PRKN: variants seen among roughly 807,000 people sequenced by gnomAD.
PRKN encodes the protein parkin RBR E3 ubiquitin protein ligase, also known as E3 ubiquitin-protein ligase parkin.
PRKN carries 56 observed loss-of-function variants against 59.5 expected under a neutral mutation model. That is an observed-to-expected ratio of 0.94 (90% confidence interval 0.76 to 1.18). PRKN has a LOEUF of 1.18. Among genes scored for constraint, PRKN ranks in the 50% most tolerant of loss-of-function variants. The probability of loss-of-function intolerance (pLI) is 0.00; values close to 1 mark genes in which losing one functional copy is unlikely to be tolerated. For missense variants in PRKN, 657 were observed against 596.4 expected (o/e 1.10, Z -1.06); for synonymous variants, 250 against 222.1 (o/e 1.13, Z -1.12).
At chr6:162,017,229 T>G (rs1257102005) in intron 5 of PRKN, among the ~76,000 whole-genome samples, 1 of 152,202 alleles carries the variant, frequency 6.6e-6, no homozygotes, top group Non-Finnish European at 1.5e-5. Context: ...GAGTCTGTAC[T>G]TGGGAATCCA....
chr6:162,343,642 T>C (rs985706269), intron 2 of PRKN, among the ~76,000 whole-genome samples: 1 of 152,202 alleles, frequency 6.6e-6, no homozygotes, highest in Admixed American at 6.5e-5. Context: ...AATATGCATT[T>C]AGTAAGTATA....
At chr6:161,856,303 C>T (rs572535656) in intron 6 of PRKN, among the ~76,000 whole-genome samples, 6 of 151,636 alleles carry the variant, frequency 4.0e-5, no homozygotes, top group African/African-American at 9.7e-5. Context: ...GAGGTTGCAG[C>T]GAGCCGAGAT....
rs572721938 is a variant in PRKN at position 162,441,189 on chromosome 6, C to A, written c.171+2121G>T. ...TGTTGGAACAATGCAGCATCCTTCC[C>A]CCAACCAAACCGGGTCTTCAGACTT... On this transcript the variant is annotated intron_variant, in intron 2 of 11. Transcript: ENST00000366898. Among the ~76,000 whole-genome samples the A allele has an allele frequency of 3.9e-5, 6 of 152,216 alleles. No individual in the cohort carries two copies. The South Asian group carries it at 1.2e-3, about 32-fold the overall frequency.
chr6:162,326,921 A>AT (rs1354880800), intron 2 of PRKN, among the ~76,000 whole-genome samples: 1 of 152,148 alleles, frequency 6.6e-6, no homozygotes, highest in Non-Finnish European at 1.5e-5. Flanking sequence ...CAATTCCTAC[A>AT]TTTTTTTAAA....
rs545871938 is a variant in PRKN, at chr6:161,592,323, G to A, written c.872-22907C>T. ...ACGAATTTCTACCTTAAAGACTGAG[G>A]AGCAAAATATAAGGAGACAATGCAT... is the stretch of plus-strand genomic sequence containing the variant. On this transcript the variant is annotated intron_variant, in intron 7 of 11. Transcript: ENST00000366898. The surrounding 1 kb of genome is among the most constrained non-coding windows in gnomAD (Gnocchi z 4.8). Among the ~76,000 whole-genome samples the A allele has an allele frequency of 3.7e-4, 57 of 152,176 alleles. No homozygotes were observed. The highest frequency in any genetic ancestry group is 1.2e-3 in the African/African-American group (50 of 41,516).
At chr6:161,524,985 T>C (rs1018571960) in intron 9 of PRKN, among the ~76,000 whole-genome samples, 3 of 152,206 alleles carry the variant, frequency 2.0e-5, no homozygotes, top group Non-Finnish European at 2.9e-5. Context: ...GGTTTTAAAA[T>C]TTCTTACATC....
chr6:161,531,375 C>T (rs1489150276), intron 9 of PRKN, among the ~76,000 whole-genome samples: 6 of 140,742 alleles, frequency 4.3e-5, no homozygotes, highest in African/African-American at 5.4e-5. Context: ...AGCGAGACTC[C>T]GTCTCAAAAA....
At chr6:162,360,719 G>T (rs1422167887) in intron 2 of PRKN, among the ~76,000 whole-genome samples, 1 of 152,186 alleles carries the variant, frequency 6.6e-6, no homozygotes, top group East Asian at 1.9e-4. Context: ...TAAGATCCTT[G>T]TGAGGCTCTC....
At chr6:162,112,190 T>C (rs1054778617) in intron 4 of PRKN, among the ~76,000 whole-genome samples, 3 of 152,220 alleles carry the variant, frequency 2.0e-5, no homozygotes, top group Non-Finnish European at 4.4e-5. Context: ...CAAACAACAC[T>C]TGACATTAAA....
At chr6:162,141,989 G>A (rs772635821) in intron 4 of PRKN, among the ~76,000 whole-genome samples, 13 of 152,064 alleles carry the variant, frequency 8.5e-5, no homozygotes, top group Non-Finnish European at 1.3e-4. Context: ...AAGCTGTCCC[G>A]TTTACTATTT....
chr6:162,031,018 CTAAGA>C, intron 5 of PRKN, among the ~76,000 whole-genome samples: 1 of 152,176 alleles, frequency 6.6e-6, no homozygotes, highest in African/African-American at 2.4e-5. Context: ...ATTTCCTCCT[CTAAGA>C]TAAGACTGAG....
In PRKN at chr6:162,692,579, A is replaced by G. The variant is rs1240708549; in HGVS notation, c.7+35083T>C. 2.5e-5 allele frequency among the ~76,000 whole-genome samples: 3 copies of G among 119,428 alleles called. No individual in the cohort carries two copies. In the South Asian group the frequency reaches 7.5e-4, roughly 30 times the overall value. The allele number at this position is 119,428 out of a possible 152,430, so 78.3% of individuals were successfully genotyped here. ...CACACCTACAAGACAGACCCCCCCC[A>G]ACAAAATCCTTGACCACCAAGGCTC... On this transcript the variant is annotated intron_variant, in intron 1 of 11. Coordinates refer to ENST00000366898, the MANE Select transcript of PRKN (RefSeq NM_004562.3).
intron 6 of PRKN, among the ~76,000 whole-genome samples, chr6:161,896,364 G>A (rs967546986): frequency 7.2e-5 from 11 of 152,116 alleles, no homozygotes; most frequent in Admixed American, 7.2e-4. Context: ...CTCTCTCTGG[G>A]TGCCCTGAGC....
At position 162,054,099 on chromosome 6, in the gene PRKN, T is replaced by A. The variant is rs778993899; in HGVS notation, c.610A>T (p.Thr204Ser). ...GECQSPHCPGTSAEFFFKCGA... is the reference protein window; with the variant it reads ...GECQSPHCPGSSAEFFFKCGA... ...TGTGACCAGGTACTTACTGCACTAGTCCCAGGGCAGTGTGGGGATTGGCAT... is the reference window on the plus strand; with the variant it reads ...TGTGACCAGGTACTTACTGCACTAGACCCAGGGCAGTGTGGGGATTGGCAT... The change falls in exon 5 of 12, where the codon ACT becomes TCT. Residue 204 changes from threonine to serine, a missense_variant. Transcript: ENST00000366898. 5 of 1,600,738 alleles carry A rather than the reference T, an allele frequency of 3.1e-6. No homozygotes were observed. The Admixed American group carries it at 6.7e-5, about 21-fold the overall frequency.
At chr6:162,380,211 G>C (rs1786354471) in intron 2 of PRKN, among the ~76,000 whole-genome samples, 1 of 151,732 alleles carries the variant, frequency 6.6e-6, no homozygotes, top group African/African-American at 2.4e-5. Flanking sequence ...TGGCTTATTA[G>C]GGCAAGTAAA....
chr6:162,328,052 G>T (rs1783379934), intron 2 of PRKN, among the ~76,000 whole-genome samples: 1 of 152,126 alleles, frequency 6.6e-6, no homozygotes, highest in East Asian at 1.9e-4. Flanking sequence ...CGTGAAAAAA[G>T]AAATTGTTCC....
chr6:162,518,899 T>C (rs1777974922), intron 1 of PRKN, among the ~76,000 whole-genome samples: 1 of 152,198 alleles, frequency 6.6e-6, no homozygotes, highest in African/African-American at 2.4e-5. Context: ...CCATTGTTAC[T>C]TACGTTATTT....
intron 4 of PRKN, among the ~76,000 whole-genome samples, chr6:162,148,956 G>A (rs948633155): frequency 5.3e-5 from 8 of 152,142 alleles, no homozygotes; most frequent in African/African-American, 1.9e-4. Flanking sequence ...TCATATGTGT[G>A]GCCAGGGTGG....
At chr6:162,595,764 T>C (rs1371072472) in intron 1 of PRKN, among the ~76,000 whole-genome samples, 1 of 152,220 alleles carries the variant, frequency 6.6e-6, no homozygotes, top group East Asian at 1.9e-4. Context: ...CTCTCTGAAC[T>C]AGAGTTCTAA....
Sources: allele counts gnomAD v4.1 joint callset (sites outside exome capture counted in the v4.1 genomes callset), GRCh38; gene constraint gnomAD v4.1.1; non-coding constraint Gnocchi (gnomAD v3.1); transcripts MANE v1.5; gene names NCBI Gene and HGNC (gene_info 2026-07-23, HGNC 2026-07-21).